LRRFIP1: variants seen among roughly 807,000 people sequenced by gnomAD.
LRRFIP1 encodes the protein leucine-rich repeat flightless-interacting protein 1.
LRRFIP1 carries 62 observed loss-of-function variants against 104.4 expected under a neutral mutation model. The observed-to-expected ratio is 0.59, with a 90% CI of 0.48 to 0.73. The LOEUF is 0.73. Ranked by LOEUF, LRRFIP1 falls within the 30% of genes least tolerant of loss-of-function variation. The pLI is 0.00. For missense variants in LRRFIP1, 796 were observed against 824.5 expected, an observed-to-expected ratio of 0.97 and a Z score of 0.42; for synonymous variants, 300 against 299.0, an observed-to-expected ratio of 1.00 and a Z score of -0.03.
rs75991096 is a variant in LRRFIP1, at chr2:237,636,541, C to A, written c.96+8801C>A. Among the ~76,000 whole-genome samples the A allele has an allele frequency of 1.3e-3, 200 of 152,184 alleles. 1 individual carries two copies. The East Asian group carries it at 0.026, about 20-fold the overall frequency. On this transcript the variant is annotated intron_variant, in intron 1 of 23. Coordinates refer to ENST00000308482, the MANE Select transcript of LRRFIP1 (RefSeq NM_001137550.2). ...TTCTTACTACTCTAAGGATATTAAG[C>A]AAATTCACTTAATTTGGGGGTTTTC... is the stretch of plus-strand genomic sequence containing the variant.
At chr2:237,746,308 C>T (rs771140115) in intron 11 of LRRFIP1, among the ~76,000 whole-genome samples, 34 of 152,170 alleles carry the variant, frequency 2.2e-4, no homozygotes, top group Non-Finnish European at 4.3e-4. Context: ...ATCTGCCCAC[C>T]TCGGCCTCCC....
chr2:237,743,694 C>T (rs558235157), intron 11 of LRRFIP1, among the ~76,000 whole-genome samples: 18 of 151,832 alleles, frequency 1.2e-4, no homozygotes, highest in Middle Eastern at 6.8e-3. Flanking sequence ...CCTCATGGGA[C>T]GCACAGACAG....
Position 237,772,178 on chromosome 2 carries a change from T to C in LRRFIP1, c.1607T>C (p.Met536Thr), listed in dbSNP as rs575628511. 1.2e-6 allele frequency: 2 copies of C among 1,613,276 alleles called. No homozygotes were observed. Among genetic ancestry groups the C allele is most frequent in the African/African-American group, 2.7e-5 (2 of 75,028 alleles). The change falls in exon 21 of 24, where the codon ATG becomes ACG. Residue 536 changes from methionine to threonine, a missense_variant. Met to Thr is a moderately conservative substitution (Grantham distance 81, BLOSUM62 -1). Transcript: ENST00000308482. ...GATGTCTTGGAAAACGGGACAGACA[T>C]GCATGTAATGGACCTACAAAGTAAA... is the stretch of plus-strand genomic sequence containing the variant. The part of the protein sequence containing the change: ...EDDVLENGTD[M>T]HVMDLQRDAN...
chr2:237,715,244 G>C (rs562155630), intron 3 of LRRFIP1, among the ~76,000 whole-genome samples: 7 of 152,278 alleles, frequency 4.6e-5, no homozygotes, highest in Admixed American at 2.0e-4. Context: ...TTGTTAAGTA[G>C]ATGCCAGAAT....
Position 237,779,584 on chromosome 2 carries a change from A to G in LRRFIP1, c.*52A>G. ...TGGTGACTGGAGAGCATTGTTTCAT[A>G]GGCTTTTCTCTGTCCTATCTGGGAG... On this transcript the variant is annotated 3_prime_UTR_variant, in exon 24 of 24. Transcript: ENST00000308482. The G allele has an allele frequency of 1.3e-6, 2 of 1,481,676 alleles. No individual in the cohort carries two copies. Among genetic ancestry groups the G allele is most frequent in the Non-Finnish European group, 1.9e-6 (2 of 1,063,382 alleles). The allele number at this position is 1,481,676 out of a possible 1,614,324, so 91.8% of individuals were successfully genotyped here.
rs1344873789 is a variant in LRRFIP1 at position 237,703,079 on chromosome 2, C to A, written c.97-5465C>A. ...CTGTAGGGTGGGGACAGACCAGCCCCCATGAACCCTAGCGAGGGCCATGCC... is the reference window on the plus strand; with the variant it reads ...CTGTAGGGTGGGGACAGACCAGCCCACATGAACCCTAGCGAGGGCCATGCC... On this transcript the variant is annotated intron_variant, in intron 1 of 23. Transcript: ENST00000308482. This position sits in a 1 kb window ranked among gnomAD's most constrained non-coding sequence, Gnocchi z 4.3. 6.6e-6 allele frequency among the ~76,000 whole-genome samples: 1 copy of A among 152,142 alleles called. No individual in the cohort carries two copies. Among genetic ancestry groups the A allele is most frequent in the South Asian group, 2.1e-4 (1 of 4,826 alleles).
intron 8 of LRRFIP1, among the ~76,000 whole-genome samples, chr2:237,733,523 C>T (rs1185002546): frequency 6.6e-6 from 1 of 152,144 alleles, no homozygotes; most frequent in Non-Finnish European, 1.5e-5. Context: ...TAGAAATGAT[C>T]GTGTTTTAAA....
At chr2:237,644,854 G>T (rs145491424) in intron 1 of LRRFIP1, among the ~76,000 whole-genome samples, 3 of 152,332 alleles carry the variant, frequency 2.0e-5, no homozygotes, top group Admixed American at 6.5e-5. Context: ...ATTTGGATTT[G>T]TCTGATTAGA....
At chr2:237,690,736 C>CA (rs66463256) in intron 1 of LRRFIP1, among the ~76,000 whole-genome samples, 1,289 of 116,360 alleles carry the variant, frequency 0.011, 5 homozygotes, top group Middle Eastern at 0.017. Context: ...GACTCCATCT[C>CA]AAAAAAAAAA....
intron 1 of LRRFIP1, among the ~76,000 whole-genome samples, chr2:237,698,142 CTTA>C (rs537407199): frequency 2.6e-4 from 40 of 152,324 alleles, no homozygotes; most frequent in Admixed American, 1.5e-3. Context: ...TTTAAAGAAG[CTTA>C]TTATTCTGAA....
At chr2:237,692,231 C>T in intron 1 of LRRFIP1, 1 of 1,107,602 alleles carries the variant, frequency 9.0e-7, no homozygotes. Context: ...CCCGACTCAG[C>T]CCGCGGCCAC....
Position 237,735,420 on chromosome 2 carries a change from G to A in LRRFIP1, c.555+87G>A. 3 of 1,272,052 alleles carry A rather than the reference G, an allele frequency of 2.4e-6. No individual in the cohort carries two copies. The highest frequency in any genetic ancestry group is 2.2e-6 in the Non-Finnish European group (2 of 927,850). 78.8% of individuals were successfully genotyped at this position (1,272,052 alleles called of 1,614,324 possible). A position where few individuals can be genotyped will look rare whatever the true frequency, so the allele number is the denominator to read the frequency against. ...GCTGGGCAGGGTCCAGCCGTGGGGG[G>A]TGACTGGCCATTCTCAGGAGGAAGC... On this transcript the variant is annotated intron_variant, in intron 10 of 23. Coordinates refer to ENST00000308482, the MANE Select transcript of LRRFIP1 (RefSeq NM_001137550.2). The surrounding 1 kb of genome is among the most constrained non-coding windows in gnomAD (Gnocchi z 4.6).
At chr2:237,672,700 G>A (rs1030728475) in intron 1 of LRRFIP1, among the ~76,000 whole-genome samples, 7 of 152,046 alleles carry the variant, frequency 4.6e-5, no homozygotes, top group South Asian at 2.1e-4. Context: ...CCTGGCACCC[G>A]CTGTTGGTGT....
intron 19 of LRRFIP1, chr2:237,763,793 G>A (rs2060091622): frequency 1.9e-6 from 3 of 1,614,220 alleles, no homozygotes; most frequent in Non-Finnish European, 2.5e-6. Flanking sequence ...GGCTGGTGGT[G>A]AAGAATTAGA....
At chr2:237,720,743 A>G (rs2094508178) in intron 5 of LRRFIP1, 29 bp from the exon 6 acceptor site, 2 of 1,606,546 alleles carry the variant, frequency 1.2e-6, no homozygotes, top group East Asian at 4.5e-5. Flanking sequence ...TGATTCCTTC[A>G]CGGTTGTTCT....
chr2:237,733,379 C>T (rs1394385522), intron 8 of LRRFIP1, among the ~76,000 whole-genome samples: 2 of 152,216 alleles, frequency 1.3e-5, no homozygotes, highest in Non-Finnish European at 1.5e-5. Flanking sequence ...GTGTGGACAT[C>T]TGCGTATTGA....
At chr2:237,692,150 G>C in intron 1 of LRRFIP1, 3 of 998,040 alleles carry the variant, frequency 3.0e-6, no homozygotes, top group South Asian at 9.4e-5. Context: ...GAACTGCGTG[G>C]GGGGCGGGGC....
At chr2:237,765,309 G>A (rs573278261) in intron 19 of LRRFIP1, 46 of 194,844 alleles carry the variant, frequency 2.4e-4, no homozygotes, top group African/African-American at 9.6e-4. Context: ...ATGTTTTCAC[G>A]CCTGTAAACC....
chr2:237,647,602 C>T (rs58022864), intron 1 of LRRFIP1, among the ~76,000 whole-genome samples: 5 of 151,340 alleles, frequency 3.3e-5, no homozygotes, highest in African/African-American at 9.7e-5. Context: ...GCATGCAGGG[C>T]GGAGGGATAA....
Sources: allele counts gnomAD v4.1 joint callset (sites outside exome capture counted in the v4.1 genomes callset), GRCh38; gene constraint gnomAD v4.1.1; non-coding constraint Gnocchi (gnomAD v3.1); transcripts MANE v1.5; gene names NCBI Gene and HGNC (gene_info 2026-07-23, HGNC 2026-07-21).